Variants in BCL9 observed in about 807,000 individuals in gnomAD.
BCL9 encodes B-cell CLL/lymphoma 9 protein.
A neutral mutation model predicts 88.5 loss-of-function variants in BCL9; 25 were observed. That is an observed-to-expected ratio of 0.28 (90% CI 0.21 to 0.39). The LOEUF (loss-of-function observed/expected upper bound fraction) is 0.39. Ranked by LOEUF, BCL9 falls within the 10% of genes least tolerant of loss-of-function variation. The pLI is 1.00. For missense variants in BCL9, 1,817 were observed against 1,877.8 expected (o/e 0.97, Z 0.60); for synonymous variants, 711 against 673.3 (o/e 1.06, Z -0.87).
intron 1 of BCL9, among the ~76,000 whole-genome samples, chr1:147,571,075 T>C (rs1655866190): frequency 6.6e-6 from 1 of 152,026 alleles, no homozygotes; most frequent in Admixed American, 6.6e-5. Context: ...CCTGAGAACA[T>C]AGTAGGTCAC....
At chr1:147,552,247 T>G (rs1553194893) in intron 1 of BCL9, among the ~76,000 whole-genome samples, 7 of 152,176 alleles carry the variant, frequency 4.6e-5, no homozygotes. Flanking sequence ...ACGTCTTCTA[T>G]AGTTTAGTTT....
intron 1 of BCL9, among the ~76,000 whole-genome samples, chr1:147,558,159 G>A (rs1245475143): frequency 6.6e-6 from 1 of 152,126 alleles, no homozygotes; most frequent in African/African-American, 2.4e-5. Context: ...AATATGGGTA[G>A]ATGAAAAAAG....
Position 147,623,996 on chromosome 1 carries a change from G to T in BCL9, c.3318G>T (p.Gly1106=), listed in dbSNP as rs1423629849. ...NAVGPNIPPH[G]VPMGPGLMSH... is the part of the protein sequence containing the mutation. ...TGGGACCCAACATACCTCCTCATGG[G>T]GTCCCAATGGGGCCTGGCTTGATGT... Residue 1106 remains glycine, a synonymous_variant, in exon 10 of 10, where the codon GGG becomes GGT. Transcript: ENST00000234739. 1.9e-5 allele frequency: 30 copies of T among 1,614,028 alleles called. No homozygotes were observed. Among genetic ancestry groups the T allele is most frequent in the Middle Eastern group, 1.6e-4 (1 of 6,084 alleles).
At chr1:147,546,262 C>T (rs1366384840) in intron 1 of BCL9, among the ~76,000 whole-genome samples, 1 of 151,688 alleles carries the variant, frequency 6.6e-6, no homozygotes, top group African/African-American at 2.4e-5. Context: ...GGTGTGAACC[C>T]AGGAGGAGGA....
chr1:147,569,566 C>G (rs1655782572), intron 1 of BCL9, among the ~76,000 whole-genome samples: 1 of 151,658 alleles, frequency 6.6e-6, no homozygotes, highest in Admixed American at 6.6e-5. Flanking sequence ...GGGAGAATTG[C>G]TTGAACCCGG....
In BCL9 at chr1:147,620,393, G is replaced by A. The variant is rs1553205020; in HGVS notation, c.2238G>A (p.Glu746=). 8.7e-6 allele frequency: 14 copies of A among 1,613,884 alleles called. No homozygotes were observed. Among genetic ancestry groups the A allele is most frequent in the Non-Finnish European group, 1.2e-5 (14 of 1,179,974 alleles). The part of the protein sequence containing the change: ...KMREAGAGPE[E]MLKLRPGGSD... ...GAGAGGCTGGGGCGGGCCCTGAGGAGATGCTGAAATTACGCCCAGGTGGCT... is the reference window on the plus strand; with the variant it reads ...GAGAGGCTGGGGCGGGCCCTGAGGAAATGCTGAAATTACGCCCAGGTGGCT... Residue 746 remains glutamate (E), a synonymous_variant, in exon 8 of 10, where the codon GAG becomes GAA. Transcript: ENST00000234739.
chr1:147,582,498 A>C (rs587747624), intron 1 of BCL9, among the ~76,000 whole-genome samples: 1 of 152,324 alleles, frequency 6.6e-6, no homozygotes, highest in African/African-American at 2.4e-5. Flanking sequence ...ATTAGTGCCA[A>C]ATTGATTTCC....
intron 1 of BCL9, among the ~76,000 whole-genome samples, chr1:147,550,037 A>AT (rs1332765031): frequency 6.6e-6 from 1 of 151,840 alleles, no homozygotes; most frequent in African/African-American, 2.4e-5. Flanking sequence ...TTCAGCTGCA[A>AT]TTTTCCCTGA....
At chr1:147,591,796 C>G (rs1285365694) in intron 1 of BCL9, among the ~76,000 whole-genome samples, 3 of 152,186 alleles carry the variant, frequency 2.0e-5, no homozygotes, top group Non-Finnish European at 4.4e-5. Context: ...TTATCACACA[C>G]TAGTCCAGAT....
At chr1:147,550,273 C>T (rs1553194686) in intron 1 of BCL9, among the ~76,000 whole-genome samples, 2 of 152,004 alleles carry the variant, frequency 1.3e-5, no homozygotes, top group South Asian at 2.1e-4. Context: ...TCTTTTAGTA[C>T]GAACCATGGA....
chr1:147,564,964 A>G (rs1404041365), intron 1 of BCL9, among the ~76,000 whole-genome samples: 3 of 152,134 alleles, frequency 2.0e-5, no homozygotes, highest in South Asian at 2.1e-4. Flanking sequence ...ACACTAGCCT[A>G]ATTTCGAGTA....
At chr1:147,621,079 C>A in intron 8 of BCL9, 22 bp downstream of exon 8, 1 of 1,592,736 alleles carries the variant, frequency 6.3e-7, no homozygotes, top group Non-Finnish European at 8.6e-7. Context: ...TGCATCCTCA[C>A]AGTTGCACCT....
chr1:147,578,919 G>T (rs1656229690), intron 1 of BCL9, among the ~76,000 whole-genome samples: 1 of 151,744 alleles, frequency 6.6e-6, no homozygotes, highest in Non-Finnish European at 1.5e-5. Flanking sequence ...AGGCTGGAGT[G>T]CAATGGCACG....
intron 1 of BCL9, among the ~76,000 whole-genome samples, chr1:147,566,601 A>G (rs1199811501): frequency 6.6e-6 from 1 of 151,714 alleles, no homozygotes; most frequent in Non-Finnish European, 1.5e-5. Context: ...CTAAAAATAC[A>G]AAAAATTAGC....
chr1:147,605,554 T>A (rs960139914), intron 2 of BCL9, among the ~76,000 whole-genome samples: 7 of 152,252 alleles, frequency 4.6e-5, no homozygotes, highest in Non-Finnish European at 7.3e-5. Context: ...TTAATTTGCT[T>A]AAAGTTAGCT....
rs782368996 is a variant in BCL9 at position 147,620,061 on chromosome 1, C to T, written c.1906C>T (p.Leu636=). The T allele has an allele frequency of 8.7e-6, 14 of 1,614,054 alleles. No individual in the cohort carries two copies. Among genetic ancestry groups the T allele is most frequent in the Non-Finnish European group, 1.2e-5 (14 of 1,180,038 alleles). ...GLSEEMFQQQ[L]AEKQLGLPPG... ...GTCTGAAGAGATGTTTCAGCAGCAG[C>T]TGGCAGAGAAACAGCTGGGTCTCCC... Residue 636 remains leucine, a synonymous_variant, in exon 8 of 10, where the codon CTG becomes TTG. Transcript: ENST00000234739.
intron 1 of BCL9, among the ~76,000 whole-genome samples, chr1:147,545,656 C>G (rs1553194190): frequency 6.6e-6 from 1 of 152,134 alleles, no homozygotes; most frequent in Non-Finnish European, 1.5e-5. Context: ...AGGACATTCC[C>G]AAAACTCACT....
intron 1 of BCL9, among the ~76,000 whole-genome samples, chr1:147,586,956 C>A (rs900667475): frequency 3.9e-5 from 6 of 152,022 alleles, no homozygotes; most frequent in Non-Finnish European, 7.4e-5. Flanking sequence ...CCCACCACAC[C>A]GAAATGGTTC....
At chr1:147,609,308 CAGAA>C (rs1657887059) in intron 3 of BCL9, among the ~76,000 whole-genome samples, 1 of 152,134 alleles carries the variant, frequency 6.6e-6, no homozygotes, top group African/African-American at 2.4e-5. Flanking sequence ...TTTTTATCAT[CAGAA>C]AGGCTAAAAG....
Sources: allele counts gnomAD v4.1 joint callset (sites outside exome capture counted in the v4.1 genomes callset), GRCh38; gene constraint gnomAD v4.1.1; transcripts MANE v1.5; gene names NCBI Gene and HGNC (gene_info 2026-07-23, HGNC 2026-07-21).